The following KIFAP3 variants were observed in gnomAD, a reference collection of about 807,000 sequenced individuals.
The protein encoded by KIFAP3 is kinesin associated protein 3.
In KIFAP3, 68 loss-of-function variants were observed where a neutral mutation model predicts 106.5. The observed-to-expected ratio is 0.64, with a 90% CI of 0.53 to 0.78. KIFAP3 has a LOEUF of 0.78. KIFAP3 is among the 30% of genes least tolerant of loss of function. The pLI, the probability that KIFAP3 is intolerant of heterozygous loss-of-function variation, is 0.00. For missense variants in KIFAP3, 780 were observed against 941.8 expected, an observed-to-expected ratio of 0.83 and a Z score of 2.25; for synonymous variants, 320 against 311.5, an observed-to-expected ratio of 1.03 and a Z score of -0.29.
rs919437228 is a variant in KIFAP3, at chr1:169,945,348, C to T, written c.2273+8663G>A. On this transcript the variant is annotated intron_variant, in intron 19 of 19. Transcript: ENST00000361580. ...AGGCCCCCAAGAGCACAGGGATGAC[C>T]TGGTCTCAAGCTGTGGCTGGGCGGC... 4.6e-5 allele frequency among the ~76,000 whole-genome samples: 7 copies of T among 152,252 alleles called. No homozygotes were observed. In the East Asian group the frequency reaches 1.4e-3, roughly 29 times the overall value.
chr1:170,079,956 A>G (rs1015246297), intron 1 of KIFAP3, among the ~76,000 whole-genome samples: 1 of 152,010 alleles, frequency 6.6e-6, no homozygotes, highest in Non-Finnish European at 1.5e-5. Context: ...ATCCCTACGT[A>G]TTTATTGTTT....
At chr1:169,925,271 T>C (rs1458272732) in intron 19 of KIFAP3, among the ~76,000 whole-genome samples, 1 of 152,132 alleles carries the variant, frequency 6.6e-6, no homozygotes, top group East Asian at 1.9e-4. Context: ...ACCAAAATAG[T>C]GTCTCTTCCT....
chr1:169,988,177 T>C (rs1489245711), intron 11 of KIFAP3, among the ~76,000 whole-genome samples: 2 of 152,064 alleles, frequency 1.3e-5, no homozygotes, highest in African/African-American at 2.4e-5. Context: ...ATGCTAAATA[T>C]TTTCTAAAAG....
chr1:169,941,838 A>G (rs1260557352), intron 19 of KIFAP3, among the ~76,000 whole-genome samples: 1 of 152,204 alleles, frequency 6.6e-6, no homozygotes, highest in Non-Finnish European at 1.5e-5. Flanking sequence ...TAATGCCTCA[A>G]TTGAGAGGTT....
Position 170,024,622 on chromosome 1 carries a change from T to G in KIFAP3, c.842-26A>C, listed in dbSNP as rs764315798. The G allele has an allele frequency of 2.3e-4, 312 of 1,335,726 alleles. 6 individuals are homozygous for G. In the East Asian group the frequency reaches 7.3e-3, roughly 31 times the overall value. 82.7% of individuals were successfully genotyped at this position (1,335,726 alleles called of 1,614,324 possible). On this transcript the variant is annotated intron_variant, in intron 8 of 19. Transcript: ENST00000361580. ...CTAGAAAAGTAAAATATATGAGAGA[T>G]AAAGAATTAGTATACTGAATTAATA...
chr1:170,078,612 A>G (rs143915668), upstream of KIFAP3, among the ~76,000 whole-genome samples: 116 of 152,302 alleles, frequency 7.6e-4, no homozygotes, highest in African/African-American at 2.5e-3. Flanking sequence ...GATGGTGACA[A>G]GAACAAAGAG....
intron 1 of KIFAP3, among the ~76,000 whole-genome samples, chr1:170,082,485 G>A (rs1176973977): frequency 6.6e-6 from 1 of 152,126 alleles, no homozygotes; most frequent in Non-Finnish European, 1.5e-5. Context: ...TCACCCATGT[G>A]AATACAATTA....
intron 16 of KIFAP3, among the ~76,000 whole-genome samples, chr1:169,977,018 C>G (rs1666248946): frequency 6.6e-6 from 1 of 152,146 alleles, no homozygotes; most frequent in African/African-American, 2.4e-5. Context: ...AGCCACTGTG[C>G]CTGGCCAATC....
chr1:170,032,438 T>G (rs2102045445), intron 7 of KIFAP3, among the ~76,000 whole-genome samples: 1 of 151,892 alleles, frequency 6.6e-6, no homozygotes, highest in South Asian at 2.1e-4. Flanking sequence ...GGATATAGAT[T>G]AAATCTAAAG....
Position 170,013,800 on chromosome 1 carries a change from T to C in KIFAP3, c.1183+2662A>G, listed in dbSNP as rs118088092. Among the ~76,000 whole-genome samples the C allele has an allele frequency of 2.2e-4, 33 of 152,280 alleles. No individual in the cohort carries two copies. In the East Asian group the frequency reaches 5.4e-3, roughly 25 times the overall value. On this transcript the variant is annotated intron_variant, in intron 10 of 19. Transcript: ENST00000361580. ...AAGCATTTGTCCACTCCCTTGAAGT[T>C]AGGCATGGCGATGTGATTTGCTTTT... is the stretch of plus-strand genomic sequence containing the variant.
At chr1:169,991,847 GTATAAT>G (rs773195874) in intron 11 of KIFAP3, among the ~76,000 whole-genome samples, 5 of 151,918 alleles carry the variant, frequency 3.3e-5, no homozygotes, top group Non-Finnish European at 5.9e-5. Context: ...TGACATGAGA[GTATAAT>G]TATGATATAT....
chr1:169,937,799 C>A (rs1478922272), intron 19 of KIFAP3, among the ~76,000 whole-genome samples: 1 of 151,738 alleles, frequency 6.6e-6, no homozygotes, highest in Admixed American at 6.6e-5. Flanking sequence ...TACAAATACT[C>A]CCTGATGTTT....
chr1:170,018,567 AAATTT>A (rs1205905906), intron 9 of KIFAP3, among the ~76,000 whole-genome samples: 3 of 146,102 alleles, frequency 2.1e-5, no homozygotes, highest in African/African-American at 5.0e-5. Context: ...TTAATCCTTT[AAATTT>A]AATTTAATCA....
intron 17 of KIFAP3, among the ~76,000 whole-genome samples, chr1:169,968,918 G>T (rs1267324160): frequency 6.6e-6 from 1 of 151,388 alleles, no homozygotes; most frequent in Non-Finnish European, 1.5e-5. Context: ...ATTCTAACAA[G>T]TTGGAAAAAT....
At chr1:170,012,868 T>C (rs1668310437) in intron 10 of KIFAP3, among the ~76,000 whole-genome samples, 1 of 152,042 alleles carries the variant, frequency 6.6e-6, no homozygotes, top group Admixed American at 6.6e-5. Flanking sequence ...GAACTCCCAT[T>C]TATAAAAACA....
intron 19 of KIFAP3, among the ~76,000 whole-genome samples, chr1:169,943,969 G>A (rs1437657136): frequency 6.6e-6 from 1 of 152,172 alleles, no homozygotes; most frequent in Non-Finnish European, 1.5e-5. Context: ...CAATTATGCT[G>A]AATTTCTTCT....
intron 15 of KIFAP3, among the ~76,000 whole-genome samples, chr1:169,981,160 C>T (rs1018500109): frequency 5.3e-5 from 8 of 152,080 alleles, no homozygotes; most frequent in African/African-American, 1.9e-4. Flanking sequence ...TACAGTGGTC[C>T]TCCCTTATCT....
chr1:169,963,257 T>A (rs1043749956), intron 17 of KIFAP3, among the ~76,000 whole-genome samples: 1 of 152,194 alleles, frequency 6.6e-6, no homozygotes, highest in Non-Finnish European at 1.5e-5. Flanking sequence ...TCCAGCTCCA[T>A]CCATGTTGCT....
intron 3 of KIFAP3, 70 bp downstream of exon 3, chr1:170,046,642 T>C: frequency 1.6e-6 from 2 of 1,236,710 alleles, no homozygotes; most frequent in Non-Finnish European, 1.1e-6. Flanking sequence ...CTTTTTTTTA[T>C]AGTTGCTTGA....
Sources: allele counts gnomAD v4.1 joint callset (sites outside exome capture counted in the v4.1 genomes callset), GRCh38; gene constraint gnomAD v4.1.1; transcripts MANE v1.5; gene names NCBI Gene and HGNC (gene_info 2026-07-23, HGNC 2026-07-21).